CNTN1: variants seen among roughly 807,000 people sequenced by gnomAD.
CNTN1 encodes the protein contactin-1.
CNTN1 carries 38 observed loss-of-function variants against 126.4 expected under a neutral mutation model. The ratio of observed to expected loss-of-function variants is 0.30; its 90% CI spans 0.23 to 0.39. The LOEUF is 0.39. Among genes scored for constraint, CNTN1 ranks in the 10% least tolerant of loss-of-function variants. CNTN1 has a pLI of 1.00. For synonymous variants in CNTN1, 413 were observed against 422.6 expected (o/e 0.98, Z 0.28); for missense variants, 1,009 against 1,248.4 (o/e 0.81, Z 2.89).
chr12:40,770,479 T>G (rs960857594), intron 1 of CNTN1, among the ~76,000 whole-genome samples: 3 of 152,160 alleles, frequency 2.0e-5, no homozygotes, highest in Non-Finnish European at 4.4e-5. Flanking sequence ...TATGGTAAAC[T>G]TTTGTTAAAA....
rs1456413142 is a variant in CNTN1 at position 40,836,168 on chromosome 12, G to A, written c.-76-72189G>A. Among the ~76,000 whole-genome samples, 44 of 145,576 alleles carry A rather than the reference G, an allele frequency of 3.0e-4. 1 individual carries two copies. The highest frequency in any genetic ancestry group is 1.3e-4 in the African/African-American group (5 of 39,668). ...TACACATATATGATAATATATAATC[G>A]TATATATGTGTATATATAGTATATA... On this transcript the variant is annotated intron_variant, in intron 1 of 23. Coordinates refer to ENST00000551295, the MANE Select transcript of CNTN1 (RefSeq NM_001843.4).
Position 41,070,064 on chromosome 12 carries a change from C to T in CNTN1, c.*29C>T. Reference sequence around the variant, plus strand: ...TGTTGTGACAGCTGCTGTTCCCATCCCAGCTCAGAAGACACCCTTCAACCC... The same window carrying T: ...TGTTGTGACAGCTGCTGTTCCCATCTCAGCTCAGAAGACACCCTTCAACCC... On this transcript the variant is annotated 3_prime_UTR_variant, in exon 24 of 24. Coordinates refer to ENST00000551295, the MANE Select transcript of CNTN1 (RefSeq NM_001843.4). 6.2e-7 allele frequency: 1 copy of T among 1,601,306 alleles called. No homozygotes were observed. The highest frequency in any genetic ancestry group is 2.2e-5 in the East Asian group (1 of 44,830).
intron 15 of CNTN1, among the ~76,000 whole-genome samples, chr12:40,963,655 G>C (rs1024304475): frequency 3.3e-5 from 5 of 151,824 alleles, no homozygotes; most frequent in African/African-American, 1.2e-4. Context: ...TAAGAACCAG[G>C]TATTACACTT....
At chr12:40,721,642 C>T (rs1942217269) in intron 1 of CNTN1, among the ~76,000 whole-genome samples, 1 of 148,362 alleles carries the variant, frequency 6.7e-6, no homozygotes, top group Admixed American at 6.7e-5. Flanking sequence ...TGCTGGTGTG[C>T]TGCACCCATT....
intron 1 of CNTN1, among the ~76,000 whole-genome samples, chr12:40,740,318 A>G (rs1282751665): frequency 6.6e-6 from 1 of 152,022 alleles, no homozygotes; most frequent in Non-Finnish European, 1.5e-5. Context: ...AATCTATGCC[A>G]TCCTCCTTAT....
At chr12:40,695,915 A>G (rs956251697) in intron 1 of CNTN1, among the ~76,000 whole-genome samples, 2 of 152,106 alleles carry the variant, frequency 1.3e-5, no homozygotes, top group Non-Finnish European at 2.9e-5. Flanking sequence ...CCCATTAGCC[A>G]TTTCCTTTAC....
chr12:40,854,444 T>C (rs1942826182), intron 1 of CNTN1, among the ~76,000 whole-genome samples: 1 of 152,134 alleles, frequency 6.6e-6, no homozygotes, highest in Non-Finnish European at 1.5e-5. Context: ...CTCATATTTC[T>C]AGATTTAAAA....
chr12:40,768,074 C>T (rs1313681441), intron 1 of CNTN1, among the ~76,000 whole-genome samples: 7 of 152,248 alleles, frequency 4.6e-5, no homozygotes, highest in Non-Finnish European at 7.4e-5. Flanking sequence ...CTTCACAGTA[C>T]AAATGGAGAT....
intron 1 of CNTN1, among the ~76,000 whole-genome samples, chr12:40,738,047 A>G (rs1937771283): frequency 6.6e-6 from 1 of 152,078 alleles, no homozygotes; most frequent in South Asian, 2.1e-4. Context: ...CTGTATTTTT[A>G]GAAACTTTTA....
intron 1 of CNTN1, among the ~76,000 whole-genome samples, chr12:40,844,587 C>G (rs1942432262): frequency 6.6e-6 from 1 of 152,086 alleles, no homozygotes; most frequent in Admixed American, 6.5e-5. Context: ...GAATTTCCCT[C>G]TCTAATCCTT....
chr12:40,922,960 A>T (rs1043932788), intron 5 of CNTN1, among the ~76,000 whole-genome samples: 1 of 127,646 alleles, frequency 7.8e-6, no homozygotes, highest in Non-Finnish European at 1.6e-5. Flanking sequence ...ACAGAGCAAG[A>T]CTCTGCCTTA....
intron 1 of CNTN1, among the ~76,000 whole-genome samples, chr12:40,834,295 C>A (rs1434578568): frequency 6.6e-6 from 1 of 152,126 alleles, no homozygotes; most frequent in Non-Finnish European, 1.5e-5. Context: ...ATTTTTACGG[C>A]CATTAACTGC....
At chr12:40,716,866 A>G (rs2121195161) in intron 1 of CNTN1, among the ~76,000 whole-genome samples, 1 of 152,348 alleles carries the variant, frequency 6.6e-6, no homozygotes, top group South Asian at 2.1e-4. Context: ...TTAAAAACAG[A>G]TAAATATAAC....
At position 40,939,361 on chromosome 12, in the gene CNTN1, C is replaced by G. The variant is rs758774084; in HGVS notation, c.1255C>G (p.Pro419Ala). The G allele has an allele frequency of 1.2e-6, 2 of 1,613,632 alleles. No homozygotes were observed. The highest frequency in any genetic ancestry group is 1.1e-5 in the South Asian group (1 of 91,070). ...LALAPTFEMNPMKKKILAAKG... is the reference protein window; with the variant it reads ...LALAPTFEMNAMKKKILAAKG... ...GTTGGCTCCAACTTTTGAAATGAAT[C>G]CTATGAAGAAAAAGATCCTGGCTGC... The change falls in exon 12 of 24, where the codon CCT becomes GCT. Residue 419 changes from proline (P) to alanine (A), a missense_variant. Pro to Ala is a conservative substitution (Grantham distance 27). Coordinates refer to ENST00000551295, the MANE Select transcript of CNTN1 (RefSeq NM_001843.4).
intron 14 of CNTN1, among the ~76,000 whole-genome samples, chr12:40,955,143 A>G (rs1946828886): frequency 6.6e-6 from 1 of 151,934 alleles, no homozygotes; most frequent in Non-Finnish European, 1.5e-5. Flanking sequence ...CTCCTACTCT[A>G]TGACCAGCCC....
intron 1 of CNTN1, among the ~76,000 whole-genome samples, chr12:40,874,473 T>A (rs1328252410): frequency 6.6e-6 from 1 of 152,160 alleles, no homozygotes; most frequent in African/African-American, 2.4e-5. Flanking sequence ...TAGATGTGTA[T>A]ATTATTTTAC....
In CNTN1 at chr12:40,718,795, C is replaced by T. The variant is rs17128670; in HGVS notation, c.-77+26203C>T. 1.8e-3 allele frequency among the ~76,000 whole-genome samples: 280 copies of T among 152,218 alleles called. 2 individuals are homozygous for T. The East Asian group carries it at 0.021, about 11-fold the overall frequency. Reference sequence around the variant, plus strand: ...GGGATTCTGAGTCACATCTGATGGACGTCACACCTGCCCTTCAAAACTTTC... The same window carrying T: ...GGGATTCTGAGTCACATCTGATGGATGTCACACCTGCCCTTCAAAACTTTC... On this transcript the variant is annotated intron_variant, in intron 1 of 23. Coordinates refer to ENST00000551295, the MANE Select transcript of CNTN1 (RefSeq NM_001843.4).
At chr12:40,762,121 A>G (rs923569809) in intron 1 of CNTN1, among the ~76,000 whole-genome samples, 6 of 152,336 alleles carry the variant, frequency 3.9e-5, no homozygotes, top group Non-Finnish European at 8.8e-5. Context: ...ACAAGTAAGT[A>G]TATATTTAAA....
chr12:40,758,116 A>G (rs1171608779), intron 1 of CNTN1, among the ~76,000 whole-genome samples: 1 of 150,600 alleles, frequency 6.6e-6, no homozygotes, highest in African/African-American at 2.4e-5. Flanking sequence ...CACATTGTAG[A>G]TAGTTATTAT....
Sources: gnomAD v4.1 joint callset for allele counts (sites outside exome capture counted in the v4.1 genomes callset) on GRCh38, gnomAD v4.1.1 for gene constraint, MANE v1.5 for transcripts, NCBI Gene and HGNC (gene_info 2026-07-23, HGNC 2026-07-21) for gene names.